MAEL: variants seen among roughly 807,000 people sequenced by gnomAD.
MAEL encodes maelstrom spermatogenic transposon silencer, also known as protein maelstrom homolog.
Under a neutral mutation model 62.0 loss-of-function variants are expected in MAEL, and 46 were observed. That is an observed-to-expected ratio of 0.74 (90% CI 0.59 to 0.95). MAEL has a LOEUF of 0.95. Among genes scored for constraint, MAEL ranks in the 40% least tolerant of loss-of-function variants. The pLI, the probability that MAEL is intolerant of heterozygous loss-of-function variation, is 0.00. For missense variants in MAEL, 497 were observed against 526.8 expected (o/e 0.94, Z 0.55); for synonymous variants, 172 against 175.5 (o/e 0.98, Z 0.16).
intron 10 of MAEL, among the ~76,000 whole-genome samples, chr1:167,020,418 G>A (rs570329892): frequency 2.0e-5 from 3 of 152,096 alleles, no homozygotes; most frequent in Non-Finnish European, 2.9e-5. Flanking sequence ...CACGCTGACC[G>A]ATCTTACTGA....
intron 5 of MAEL, among the ~76,000 whole-genome samples, chr1:166,996,377 G>C (rs752736308): frequency 3.9e-5 from 6 of 152,154 alleles, no homozygotes; most frequent in Non-Finnish European, 8.8e-5. Context: ...AACCAGATGA[G>C]CTCTGCTTCT....
chr1:166,989,551 G>A, intron 1 of MAEL, 67 bp downstream of exon 1: 2 of 1,548,928 alleles, frequency 1.3e-6, no homozygotes, highest in Non-Finnish European at 1.7e-6. Flanking sequence ...GAGGCGGGAG[G>A]GCAGAAGGCC....
chr1:167,005,073 C>A lies in MAEL; in HGVS notation c.649-3C>A, dbSNP rs759810834. ...TTTGTTTTTTGTTTTTTGCTTTCTC[C>A]AGTCTGATGATAGAACCAGAGTCAA... On this transcript the variant is annotated splice_polypyrimidine_tract_variant and splice_region_variant and intron_variant, in intron 6 of 11. Transcript: ENST00000367872. 1.2e-6 allele frequency: 2 copies of A among 1,612,550 alleles called. No homozygotes were observed.
rs118132598 is a variant in MAEL, at chr1:167,016,506, G to A, written c.908+222G>A. Among the ~76,000 whole-genome samples the A allele has an allele frequency of 1.1e-4, 16 of 152,206 alleles. No individual in the cohort carries two copies. In the South Asian group the frequency reaches 1.5e-3, roughly 14 times the overall value. On this transcript the variant is annotated intron_variant, in intron 9 of 11. Coordinates refer to ENST00000367872, the MANE Select transcript of MAEL (RefSeq NM_032858.3). ...CAATAATAAATGCTGGTAAGGTTGTGGAGAAAAGGGAACCCTCATACACTG... is the reference window on the plus strand; with the variant it reads ...CAATAATAAATGCTGGTAAGGTTGTAGAGAAAAGGGAACCCTCATACACTG...
At chr1:166,989,229 T>G, upstream of MAEL, 1 of 1,305,176 alleles carries the variant, frequency 7.7e-7, no homozygotes, top group Non-Finnish European at 1.0e-6. Context: ...GCGCGTCGCT[T>G]CCTGATTGGC....
chr1:166,981,175 G>A (rs1021887535), intron 1 of MAEL, among the ~76,000 whole-genome samples: 14 of 152,138 alleles, frequency 9.2e-5, no homozygotes, highest in African/African-American at 2.7e-4. Flanking sequence ...TTGAAGTAGC[G>A]GGGCGAGGAT....
intron 5 of MAEL, among the ~76,000 whole-genome samples, chr1:166,997,521 G>A (rs1664480923): frequency 6.6e-6 from 1 of 152,026 alleles, no homozygotes; most frequent in Admixed American, 6.6e-5. Flanking sequence ...TTAATGAACA[G>A]ACTTTTTAAA....
chr1:166,999,966 GA>G (rs558054550), intron 5 of MAEL, among the ~76,000 whole-genome samples: 25 of 144,168 alleles, frequency 1.7e-4, no homozygotes, highest in South Asian at 8.7e-4. Context: ...CTGCTGCTCA[GA>G]AAAAAAAAAA....
chr1:167,010,513 A>G (rs1665126081), intron 8 of MAEL, among the ~76,000 whole-genome samples: 1 of 151,980 alleles, frequency 6.6e-6, no homozygotes, highest in East Asian at 1.9e-4. Flanking sequence ...TGACACAATC[A>G]TAGCTCACTG....
chr1:166,987,183 C>T (rs1663947097), upstream of MAEL, among the ~76,000 whole-genome samples: 1 of 152,182 alleles, frequency 6.6e-6, no homozygotes, highest in Non-Finnish European at 1.5e-5. Flanking sequence ...TGTCAGTTCT[C>T]AATCTCCCCT....
intron 1 of MAEL, among the ~76,000 whole-genome samples, chr1:166,977,039 A>C (rs1484533682): frequency 6.6e-6 from 1 of 152,194 alleles, no homozygotes; most frequent in Non-Finnish European, 1.5e-5. Context: ...ACAGTGGAGA[A>C]TTGATTTTGT....
intron 5 of MAEL, among the ~76,000 whole-genome samples, chr1:167,002,994 C>T (rs377676442): frequency 1.2e-4 from 18 of 152,090 alleles, no homozygotes; most frequent in Middle Eastern, 3.2e-3. Flanking sequence ...ATTCATTCAC[C>T]GCATTTTTGT....
intron 5 of MAEL, among the ~76,000 whole-genome samples, chr1:167,003,179 C>T (rs766972778): frequency 2.6e-5 from 4 of 152,130 alleles, no homozygotes; most frequent in African/African-American, 9.7e-5. Flanking sequence ...GCCTCAAACT[C>T]CTGGCTCAAT....
chr1:167,014,239 A>T (rs1665286392), intron 8 of MAEL, among the ~76,000 whole-genome samples: 1 of 152,228 alleles, frequency 6.6e-6, no homozygotes, highest in Admixed American at 6.5e-5. Flanking sequence ...AGAAGAGATA[A>T]ATTTGTGCAG....
At chr1:167,006,600 A>AATATATATATATATAT (rs1268446290) in intron 8 of MAEL, among the ~76,000 whole-genome samples, 1 of 46,000 alleles carries the variant, frequency 2.2e-5, no homozygotes, top group African/African-American at 8.8e-5. Context: ...CTGGTTTTTT[A>AATATATATATATATAT]CTATATATAT....
chr1:166,985,519 C>T (rs1663886629), upstream of MAEL, among the ~76,000 whole-genome samples: 1 of 152,070 alleles, frequency 6.6e-6, no homozygotes, highest in African/African-American at 2.4e-5. Context: ...GAATTTGGCT[C>T]CAAATTTTAT....
At chr1:167,007,764 G>A (rs1472651722) in intron 8 of MAEL, among the ~76,000 whole-genome samples, 1 of 151,870 alleles carries the variant, frequency 6.6e-6, no homozygotes, top group African/African-American at 2.4e-5. Flanking sequence ...CTGAGAATGA[G>A]AACCCTGGCT....
intron 8 of MAEL, among the ~76,000 whole-genome samples, chr1:167,006,660 G>A (rs764702647): frequency 2.4e-4 from 29 of 119,912 alleles, no homozygotes; most frequent in Admixed American, 4.4e-4. Flanking sequence ...TTTTGAGACA[G>A]AGTCTTGCTG....
intron 3 of MAEL, 48 bp from the exon 4 acceptor site, chr1:166,992,638 A>G (rs1664238199): frequency 2.1e-6 from 3 of 1,398,170 alleles, no homozygotes; most frequent in Non-Finnish European, 2.9e-6. Flanking sequence ...TGGAAGAGGT[A>G]AATTTGAGAC....
Sources: gnomAD v4.1 joint callset for allele counts (sites outside exome capture counted in the v4.1 genomes callset) on GRCh38, gnomAD v4.1.1 for gene constraint, MANE v1.5 for transcripts, NCBI Gene and HGNC (gene_info 2026-07-23, HGNC 2026-07-21) for gene names.